Variants in DGKB observed in about 807,000 individuals in gnomAD.
DGKB encodes diacylglycerol kinase beta.
Under a neutral mutation model 114.3 loss-of-function variants are expected in DGKB, and 67 were observed. The ratio of observed to expected loss-of-function variants is 0.59; its 90% CI spans 0.48 to 0.72. The LOEUF is 0.72. DGKB is among the 30% of genes least tolerant of loss of function. The pLI, the probability that DGKB is intolerant of heterozygous loss-of-function variation, is 0.00. For synonymous variants in DGKB, 398 were observed against 323.1 expected (o/e 1.23, Z -2.49); for missense variants, 907 against 975.2 (o/e 0.93, Z 0.93).
chr7:14,836,084 G>A (rs1004479307), intron 2 of DGKB, among the ~76,000 whole-genome samples: 1 of 152,116 alleles, frequency 6.6e-6, no homozygotes, highest in Non-Finnish European at 1.5e-5. Context: ...GGTAGTTTAT[G>A]TTACATTACG....
intron 23 of DGKB, among the ~76,000 whole-genome samples, chr7:14,241,311 AT>A (rs745369586): frequency 2.5e-4 from 38 of 152,254 alleles, no homozygotes; most frequent in Non-Finnish European, 4.4e-4. Context: ...TTACCTTGGA[AT>A]TTTCTTTCAT....
intron 20 of DGKB, among the ~76,000 whole-genome samples, chr7:14,534,377 G>A (rs1436330430): frequency 6.6e-6 from 1 of 152,096 alleles, no homozygotes; most frequent in Non-Finnish European, 1.5e-5. Context: ...AAAGCCAGGA[G>A]AAGAGGAGGG....
chr7:14,704,965 T>A (rs201328166), intron 6 of DGKB, among the ~76,000 whole-genome samples: 1 of 151,950 alleles, frequency 6.6e-6, no homozygotes, highest in African/African-American at 2.4e-5. Context: ...CAAAGCTGGA[T>A]GGAGAATGAC....
At chr7:14,880,082 A>C (rs747605354) in intron 1 of DGKB, among the ~76,000 whole-genome samples, 2 of 152,200 alleles carry the variant, frequency 1.3e-5, no homozygotes, top group Non-Finnish European at 2.9e-5. Context: ...TAATTTCAGG[A>C]AAGTGACATT....
intron 2 of DGKB, among the ~76,000 whole-genome samples, chr7:14,817,728 AATG>A (rs1844360218): frequency 6.6e-6 from 1 of 152,156 alleles, no homozygotes; most frequent in Non-Finnish European, 1.5e-5. Context: ...CAAATGACAC[AATG>A]TTTAGATTAT....
intron 21 of DGKB, among the ~76,000 whole-genome samples, chr7:14,475,403 A>G (rs762341547): frequency 2.0e-5 from 3 of 152,184 alleles, no homozygotes; most frequent in Non-Finnish European, 4.4e-5. Context: ...ATATCACATT[A>G]TGGTTTAGGG....
intron 13 of DGKB, among the ~76,000 whole-genome samples, chr7:14,638,402 C>A (rs149284970): frequency 1.3e-5 from 2 of 151,998 alleles, no homozygotes; most frequent in South Asian, 2.1e-4. Context: ...TTTTTAAAAC[C>A]AAGCCTCCTT....
intron 1 of DGKB, among the ~76,000 whole-genome samples, chr7:14,875,518 T>C (rs1235290743): frequency 6.6e-6 from 1 of 152,228 alleles, no homozygotes; most frequent in Non-Finnish European, 1.5e-5. Flanking sequence ...TAATGTCTTT[T>C]GCTTTCACCT....
At chr7:14,279,640 C>T (rs1288664415) in intron 23 of DGKB, among the ~76,000 whole-genome samples, 2 of 152,098 alleles carry the variant, frequency 1.3e-5, no homozygotes, top group Non-Finnish European at 2.9e-5. Context: ...GTCTGATGGG[C>T]TTCCCTTTGA....
At chr7:14,674,975 C>A (rs1272500689) in intron 12 of DGKB, among the ~76,000 whole-genome samples, 1 of 152,056 alleles carries the variant, frequency 6.6e-6, no homozygotes, top group East Asian at 1.9e-4. Context: ...AAACCCAGTA[C>A]TATGAAAACG....
chr7:14,825,012 GTATGTATA>G lies in DGKB; in HGVS notation c.70+16174_70+16181del, dbSNP rs1298987073. On this transcript the variant is annotated intron_variant, in intron 2 of 25. Transcript: ENST00000402815. ...TATGTGTGTATATATATATGTATGTGTATGTATATATATATATATATATATATATATAT... is the reference window on the plus strand; with the variant it reads ...TATGTGTGTATATATATATGTATGTGTATATATATATATATATATATATAT... 3.3e-4 allele frequency among the ~76,000 whole-genome samples: 20 copies of G among 60,844 alleles called. 1 individual carries two copies. In the East Asian group the frequency reaches 9.3e-3, roughly 28 times the overall value. 39.9% of individuals were successfully genotyped at this position (60,844 alleles called of 152,430 possible). A position where few individuals can be genotyped will look rare whatever the true frequency, so the allele number is the denominator to read the frequency against.
At chr7:14,311,831 T>A (rs1805436792) in intron 23 of DGKB, among the ~76,000 whole-genome samples, 1 of 152,164 alleles carries the variant, frequency 6.6e-6, no homozygotes, top group Non-Finnish European at 1.5e-5. Context: ...CTATAGTAAA[T>A]CATTTGGGTT....
chr7:14,906,326 A>G (rs1587355191), upstream of DGKB, among the ~76,000 whole-genome samples: 1 of 152,068 alleles, frequency 6.6e-6, no homozygotes, highest in South Asian at 2.1e-4. Context: ...TTTACCTTTC[A>G]TCACTCTTAA....
intron 23 of DGKB, among the ~76,000 whole-genome samples, chr7:14,217,258 A>C (rs561141009): frequency 3.9e-5 from 6 of 152,148 alleles, no homozygotes; most frequent in Non-Finnish European, 8.8e-5. Context: ...ATATTTTTTC[A>C]GTAATACTTT....
intron 21 of DGKB, among the ~76,000 whole-genome samples, chr7:14,361,380 T>A (rs965779199): frequency 3.3e-5 from 5 of 152,188 alleles, no homozygotes; most frequent in Non-Finnish European, 5.9e-5. Context: ...TTGATATTTT[T>A]AATCAAATTG....
intron 23 of DGKB, among the ~76,000 whole-genome samples, chr7:14,317,312 G>T (rs1298630273): frequency 9.7e-6 from 1 of 103,406 alleles, no homozygotes; most frequent in Non-Finnish European, 2.0e-5. Flanking sequence ...AGGAAATAAG[G>T]GGTATTCAAT....
intron 23 of DGKB, among the ~76,000 whole-genome samples, chr7:14,203,248 C>T (rs6967597): frequency 2.7e-5 from 4 of 150,006 alleles, no homozygotes; most frequent in African/African-American, 9.9e-5. Flanking sequence ...AGGACACACA[C>T]ATAAAACAGT....
At chr7:14,888,552 T>C (rs1780679763) in intron 1 of DGKB, among the ~76,000 whole-genome samples, 1 of 151,832 alleles carries the variant, frequency 6.6e-6, no homozygotes, top group African/African-American at 2.4e-5. Flanking sequence ...ATATAAATGA[T>C]ATCCCCCTTA....
chr7:14,753,490 T>A (rs956505663), intron 4 of DGKB, among the ~76,000 whole-genome samples: 66 of 152,106 alleles, frequency 4.3e-4, no homozygotes, highest in African/African-American at 1.5e-3. Flanking sequence ...ACATATTCTA[T>A]CACAGCACTG....
Sources: gnomAD v4.1 joint callset for allele counts (sites outside exome capture counted in the v4.1 genomes callset) on GRCh38, gnomAD v4.1.1 for gene constraint, MANE v1.5 for transcripts, NCBI Gene and HGNC (gene_info 2026-07-23, HGNC 2026-07-21) for gene names.